MGST1: variants seen among roughly 807,000 people sequenced by gnomAD.
MGST1 encodes the protein glutathione S-transferase 12.
Under a neutral mutation model 8.9 loss-of-function variants are expected in MGST1, and 5 were observed. The ratio of observed to expected loss-of-function variants is 0.56; its 90% CI spans 0.29 to 1.19. MGST1 has a LOEUF of 1.19. Ranked by LOEUF, MGST1 falls within the 50% of genes most tolerant of loss-of-function variation. The probability of loss-of-function intolerance (pLI) is 0.08; values close to 1 mark genes in which losing one functional copy is unlikely to be tolerated. For synonymous variants in MGST1, 54 were observed against 67.8 expected, an observed-to-expected ratio of 0.80 and a Z score of 1.00; for missense variants, 182 against 187.4, an observed-to-expected ratio of 0.97 and a Z score of 0.17.
intron 3 of MGST1, chr12:16,360,312 T>C (rs1321735996): frequency 2.0e-6 from 2 of 984,266 alleles, no homozygotes; most frequent in Non-Finnish European, 2.4e-6. Flanking sequence ...ATTGTAAAGC[T>C]GTTACGATTA....
At chr12:16,408,330 G>A (rs139565221) in intron 1 of MGST1, among the ~76,000 whole-genome samples, 82 of 152,210 alleles carry the variant, frequency 5.4e-4, no homozygotes, top group African/African-American at 2.0e-3. Flanking sequence ...CATGACAGGA[G>A]TTTACTTATG....
chr12:16,402,528 T>C (rs1003010003), intron 1 of MGST1: 7 of 947,860 alleles, frequency 7.4e-6, no homozygotes, highest in Non-Finnish European at 9.7e-6. Flanking sequence ...GTTAGATTTA[T>C]AATAAGCTAC....
At chr12:16,421,772 T>G (rs971324712) in intron 1 of MGST1, among the ~76,000 whole-genome samples, 1 of 152,176 alleles carries the variant, frequency 6.6e-6, no homozygotes, top group Non-Finnish European at 1.5e-5. Context: ...GGTCAAAGAC[T>G]GTAACCCCTG....
rs1419646917 is a variant in MGST1, at chr12:16,482,344, GA to G, written n.482+98741del. Among the ~76,000 whole-genome samples the G allele has an allele frequency of 2.0e-5, 3 of 152,118 alleles. No individual in the cohort carries two copies. Among genetic ancestry groups the G allele is most frequent in the Non-Finnish European group, 4.4e-5 (3 of 68,020 alleles). ...TGTTTGATCTGAAGTATAAAAAAAA[GA>G]GCAAGGGCCGGGTGCAGTGGCTCAC... On this transcript the variant is annotated intron_variant and non_coding_transcript_variant, in intron 4 of 4. Transcript: ENST00000538857. This position sits in a 1 kb window ranked among gnomAD's most constrained non-coding sequence, Gnocchi z 4.2.
chr12:16,402,115 T>G (rs1178229516), intron 1 of MGST1: 1 of 1,519,928 alleles, frequency 6.6e-7, no homozygotes, highest in Non-Finnish European at 9.1e-7. Flanking sequence ...AGCAGTCTGA[T>G]GGCAGGGGCT....
downstream of MGST1, among the ~76,000 whole-genome samples, chr12:16,382,188 C>T (rs1940463006): frequency 6.6e-6 from 1 of 152,220 alleles, no homozygotes; most frequent in African/African-American, 2.4e-5. Context: ...TGAGGAGCTG[C>T]ATTCCTTTTG....
chr12:16,404,031 CTG>C (rs1175749829), intron 1 of MGST1, among the ~76,000 whole-genome samples: 2 of 152,146 alleles, frequency 1.3e-5, no homozygotes, highest in Non-Finnish European at 2.9e-5. Context: ...TATGAGAAAA[CTG>C]TGTTGAAGTC....
chr12:16,513,351 G>A lies in MGST1; in HGVS notation n.483-76177G>A, dbSNP rs1323612655. Reference sequence around the variant, plus strand: ...AAGGAGAATTTTATGCTTGCCCTCTGCTCCGTCCTGCGTCTGCCCACTGCC... The same window carrying A: ...AAGGAGAATTTTATGCTTGCCCTCTACTCCGTCCTGCGTCTGCCCACTGCC... On this transcript the variant is annotated intron_variant and non_coding_transcript_variant, in intron 4 of 4. Coordinates refer to the MGST1 transcript ENST00000538857. This position sits in a 1 kb window ranked among gnomAD's most constrained non-coding sequence, Gnocchi z 4.2. The A allele has an allele frequency of 4.4e-5, 14 of 319,614 alleles. No individual in the cohort carries two copies. The highest frequency in any genetic ancestry group is 7.4e-5 in the Non-Finnish European group (12 of 162,350). 19.8% of individuals were successfully genotyped at this position (319,614 alleles called of 1,614,324 possible).
intron 1 of MGST1, chr12:16,399,473 A>G: frequency 6.4e-7 from 1 of 1,550,804 alleles, no homozygotes; most frequent in East Asian, 2.2e-5. Context: ...AATCCTTTCC[A>G]CTCTCTTCTT....
chr12:16,560,390 A>G lies in MGST1; in HGVS notation n.483-29138A>G, dbSNP rs749606460. ...CACAGAGAGGTTAACCATTTCTTAG[A>G]GACCAAAAAGAGACCTGCTTACCTC... is the stretch of plus-strand genomic sequence containing the variant. On this transcript the variant is annotated intron_variant and non_coding_transcript_variant, in intron 4 of 4. Transcript: ENST00000538857. This position sits in a 1 kb window ranked among gnomAD's most constrained non-coding sequence, Gnocchi z 5.0. 2 of 1,606,568 alleles carry G rather than the reference A, an allele frequency of 1.2e-6. No homozygotes were observed. Among genetic ancestry groups the G allele is most frequent in the Admixed American group, 3.4e-5 (2 of 58,638 alleles).
At chr12:16,575,867 G>A (rs1055981593) in intron 4 of MGST1, among the ~76,000 whole-genome samples, 10 of 152,080 alleles carry the variant, frequency 6.6e-5, no homozygotes, top group Admixed American at 5.9e-4. Flanking sequence ...CTCCCTACGT[G>A]ACATCCTTCT....
intron 4 of MGST1, among the ~76,000 whole-genome samples, chr12:16,557,888 A>G (rs1268646620): frequency 6.6e-6 from 1 of 152,074 alleles, no homozygotes; most frequent in Non-Finnish European, 1.5e-5. Flanking sequence ...TCTTCTCACT[A>G]TAAATGTCAC....
intron 4 of MGST1, chr12:16,551,291 G>A (rs760247878): frequency 1.2e-6 from 2 of 1,612,386 alleles, no homozygotes; most frequent in South Asian, 1.1e-5. Flanking sequence ...AAAGGATCAT[G>A]TTATTCTTTA....
Position 16,503,896 on chromosome 12 carries a change from A to G in MGST1, n.483-85632A>G, listed in dbSNP as rs539101008. Among the ~76,000 whole-genome samples, 2 of 152,296 alleles carry G rather than the reference A, an allele frequency of 1.3e-5. No homozygotes were observed. The highest frequency in any genetic ancestry group is 2.1e-4 in the South Asian group (1 of 4,828). On this transcript the variant is annotated intron_variant and non_coding_transcript_variant, in intron 4 of 4. Coordinates refer to the MGST1 transcript ENST00000538857. This position sits in a 1 kb window ranked among gnomAD's most constrained non-coding sequence, Gnocchi z 4.8. ...ACCTCAGAGCTGCCACTCTGGGCAC[A>G]TTGCCTATGGGGTAGCCCTGCTCTG...
At chr12:16,377,842 C>T (rs1940405534), downstream of MGST1, among the ~76,000 whole-genome samples, 1 of 150,894 alleles carries the variant, frequency 6.6e-6, no homozygotes, top group South Asian at 2.1e-4. Context: ...GCCATTCTAA[C>T]TGGTGTGAGA....
chr12:16,420,915 T>A (rs759761943), intron 1 of MGST1, among the ~76,000 whole-genome samples: 10 of 152,148 alleles, frequency 6.6e-5, no homozygotes, highest in Admixed American at 1.3e-4. Context: ...CCTCCGGCAT[T>A]CGGATTGATC....
downstream of MGST1, among the ~76,000 whole-genome samples, chr12:16,367,890 A>G (rs1018135008): frequency 3.2e-5 from 4 of 124,180 alleles, no homozygotes; most frequent in African/African-American, 1.2e-4. Context: ...GGTATAGTCA[A>G]TGCTTATCTT....
chr12:16,504,418 C>A (rs757539804), intron 4 of MGST1, among the ~76,000 whole-genome samples: 23 of 152,254 alleles, frequency 1.5e-4, no homozygotes, highest in Non-Finnish European at 3.2e-4. Flanking sequence ...TCTAAACTTT[C>A]AGTTTTCTGA....
intron 1 of MGST1, among the ~76,000 whole-genome samples, chr12:16,387,902 A>G (rs1940519287): frequency 1.3e-5 from 2 of 151,654 alleles, no homozygotes; most frequent in African/African-American, 4.8e-5. Context: ...ATTTGTCTAC[A>G]GTATTCAGTA....
Sources: gnomAD v4.1 joint callset for allele counts (sites outside exome capture counted in the v4.1 genomes callset) on GRCh38, gnomAD v4.1.1 for gene constraint, Gnocchi (gnomAD v3.1) non-coding constraint, MANE v1.5 for transcripts, NCBI Gene and HGNC (gene_info 2026-07-23, HGNC 2026-07-21) for gene names.